The following WWC1 variants were observed in gnomAD, a reference collection of about 807,000 sequenced individuals.
The protein encoded by WWC1 is WW and C2 domain containing 1.
A neutral mutation model predicts 138.4 loss-of-function variants in WWC1; 55 were observed. The ratio of observed to expected loss-of-function variants is 0.40; its 90% CI spans 0.32 to 0.50. WWC1 has a LOEUF of 0.50. Ranked by LOEUF, WWC1 falls within the 20% of genes least tolerant of loss-of-function variation. WWC1 has a pLI of 0.72. For missense variants in WWC1, 1,226 were observed against 1,420.4 expected, an observed-to-expected ratio of 0.86 and a Z score of 2.20; for synonymous variants, 524 against 564.9, an observed-to-expected ratio of 0.93 and a Z score of 1.03.
intron 15 of WWC1, among the ~76,000 whole-genome samples, chr5:168,438,222 G>A (rs1404277855): frequency 6.6e-6 from 1 of 152,056 alleles, no homozygotes; most frequent in African/African-American, 2.4e-5. Flanking sequence ...GCCCTGCCAC[G>A]TTCCAGTGCA....
At chr5:168,296,000 A>G (rs1278112511) in intron 1 of WWC1, among the ~76,000 whole-genome samples, 1 of 152,248 alleles carries the variant, frequency 6.6e-6, no homozygotes, top group Non-Finnish European at 1.5e-5. Context: ...TTCGGGAATC[A>G]GGTGCTGTGG....
chr5:168,422,854 C>G (rs548605662), intron 10 of WWC1, among the ~76,000 whole-genome samples: 2 of 152,186 alleles, frequency 1.3e-5, no homozygotes, highest in East Asian at 3.9e-4. Context: ...AGTATTAAAA[C>G]AGTGAGTTGG....
At chr5:168,413,647 G>C (rs576904373) in intron 8 of WWC1, among the ~76,000 whole-genome samples, 2 of 152,162 alleles carry the variant, frequency 1.3e-5, no homozygotes, top group Non-Finnish European at 2.9e-5. Context: ...AGGCCAGAGC[G>C]AGCCAGGACT....
intron 15 of WWC1, among the ~76,000 whole-genome samples, chr5:168,436,076 C>G (rs1782328526): frequency 6.6e-6 from 1 of 152,148 alleles, no homozygotes; most frequent in South Asian, 2.1e-4. Context: ...CTTCTGACCT[C>G]AAGCGATCCA....
chr5:168,365,878 G>A (rs960400440), intron 1 of WWC1, among the ~76,000 whole-genome samples: 6 of 152,214 alleles, frequency 3.9e-5, no homozygotes, highest in Admixed American at 1.3e-4. Context: ...CAGCATCTGG[G>A]TCATTTGATT....
chr5:168,406,695 A>C (rs1269046272), intron 6 of WWC1, among the ~76,000 whole-genome samples: 1 of 152,168 alleles, frequency 6.6e-6, no homozygotes, highest in East Asian at 1.9e-4. Context: ...TAATCCCAGC[A>C]CTTTGGGAGG....
intron 20 of WWC1, among the ~76,000 whole-genome samples, chr5:168,464,047 A>G (rs1174740912): frequency 6.6e-6 from 1 of 152,164 alleles, no homozygotes; most frequent in Admixed American, 6.5e-5. Flanking sequence ...ACTGAGATGC[A>G]GACTGGCCAG....
intron 9 of WWC1, among the ~76,000 whole-genome samples, chr5:168,417,768 AT>A (rs1283778268): frequency 1.3e-5 from 2 of 152,146 alleles, no homozygotes; most frequent in Non-Finnish European, 2.9e-5. Context: ...CTTGGGGCAA[AT>A]GCAGTGGTAG....
intron 15 of WWC1, among the ~76,000 whole-genome samples, chr5:168,434,260 T>C (rs975614695): frequency 1.7e-4 from 26 of 152,370 alleles, no homozygotes; most frequent in African/African-American, 6.3e-4. Context: ...GGCTTGTCTC[T>C]GCCTGCGGCC....
At chr5:168,445,016 T>A (rs1055517131) in intron 17 of WWC1, among the ~76,000 whole-genome samples, 2 of 152,284 alleles carry the variant, frequency 1.3e-5, no homozygotes, top group South Asian at 4.1e-4. Context: ...TTACTTCTTC[T>A]TCACTTAAGA....
At chr5:168,343,468 C>T (rs540668775) in intron 1 of WWC1, among the ~76,000 whole-genome samples, 1 of 152,276 alleles carries the variant, frequency 6.6e-6, no homozygotes, top group Admixed American at 6.5e-5. Context: ...CCCATGCCTC[C>T]ACACCATGCT....
At chr5:168,465,374 A>C (rs1040587525) in intron 21 of WWC1, among the ~76,000 whole-genome samples, 14 of 150,654 alleles carry the variant, frequency 9.3e-5, no homozygotes, top group African/African-American at 3.4e-4. Context: ...GCCCTTGCCA[A>C]AGGGGGAGAA....
intron 3 of WWC1, among the ~76,000 whole-genome samples, chr5:168,389,331 C>T (rs1778289354): frequency 6.6e-6 from 1 of 151,660 alleles, no homozygotes; most frequent in Admixed American, 6.6e-5. Context: ...CCTGTAGTCC[C>T]AGCTACTCGG....
chr5:168,396,822 C>T (rs1408561120), intron 3 of WWC1, among the ~76,000 whole-genome samples: 24 of 152,104 alleles, frequency 1.6e-4, no homozygotes, highest in Admixed American at 1.5e-3. Context: ...ATTACAACTA[C>T]GTGATAGAAC....
Position 168,450,434 on chromosome 5 carries a change from G to A in WWC1, c.2526-3534G>A, listed in dbSNP as rs146465572. ...TGTAATTTCAGCACTTTGGGAGGCCGAGGTGGGTGGATCATGAGGTCAGGA... is the reference window on the plus strand; with the variant it reads ...TGTAATTTCAGCACTTTGGGAGGCCAAGGTGGGTGGATCATGAGGTCAGGA... On this transcript the variant is annotated intron_variant, in intron 17 of 22. Coordinates refer to ENST00000265293, the MANE Select transcript of WWC1 (RefSeq NM_015238.3). 7.4e-3 allele frequency among the ~76,000 whole-genome samples: 1,130 copies of A among 152,290 alleles called. 9 individuals carry two copies. The highest frequency in any genetic ancestry group is 0.025 in the African/African-American group (1,047 of 41,562).
chr5:168,349,263 G>A lies in WWC1; in HGVS notation c.120-22161G>A, dbSNP rs139678456. On this transcript the variant is annotated intron_variant, in intron 1 of 22. Coordinates refer to ENST00000265293, the MANE Select transcript of WWC1 (RefSeq NM_015238.3). ...ATGCAGGTGTAGGCCTCTTGGGCAC[G>A]TGGGTTTCTGACACCCCCACCCAGT... is the stretch of plus-strand genomic sequence containing the variant. 1.2e-4 allele frequency among the ~76,000 whole-genome samples: 19 copies of A among 152,208 alleles called. 1 individual carries two copies. The East Asian group carries it at 1.4e-3, about 11-fold the overall frequency.
At chr5:168,414,853 C>A in intron 9 of WWC1, 1 of 488,768 alleles carries the variant, frequency 2.0e-6, no homozygotes, top group Non-Finnish European at 3.6e-6. Context: ...AATGTATCTT[C>A]TGACTCAATT....
At chr5:168,358,828 A>C (rs1775658141) in intron 1 of WWC1, among the ~76,000 whole-genome samples, 1 of 152,114 alleles carries the variant, frequency 6.6e-6, no homozygotes. Flanking sequence ...ATACGTACAC[A>C]TGTAGGAACT....
intron 1 of WWC1, among the ~76,000 whole-genome samples, chr5:168,339,961 C>G (rs557275636): frequency 1.0e-3 from 133 of 131,550 alleles, no homozygotes; most frequent in African/African-American, 3.6e-3. Context: ...CTCTCCCTCT[C>G]TCTCTCTGTC....
Sources: gnomAD v4.1 joint callset for allele counts (sites outside exome capture counted in the v4.1 genomes callset) on GRCh38, gnomAD v4.1.1 for gene constraint, MANE v1.5 for transcripts, NCBI Gene and HGNC (gene_info 2026-07-23, HGNC 2026-07-21) for gene names.